GAS7: variants seen among roughly 807,000 people sequenced by gnomAD.
GAS7 encodes growth arrest specific 7.
Under a neutral mutation model 71.1 loss-of-function variants are expected in GAS7, and 28 were observed. That is an observed-to-expected ratio of 0.39 (90% CI 0.29 to 0.54). GAS7 has a LOEUF of 0.54. GAS7 is among the 20% of genes least tolerant of loss of function. The probability of loss-of-function intolerance (pLI) is 0.62; values close to 1 mark genes in which losing one functional copy is unlikely to be tolerated. For missense variants in GAS7, 436 were observed against 627.8 expected, an observed-to-expected ratio of 0.69 and a Z score of 3.27; for synonymous variants, 258 against 245.8, an observed-to-expected ratio of 1.05 and a Z score of -0.46.
chr17:10,158,651 G>A (rs2074225178), intron 1 of GAS7, among the ~76,000 whole-genome samples: 1 of 152,090 alleles, frequency 6.6e-6, no homozygotes, highest in South Asian at 2.1e-4. Flanking sequence ...AATAAAACAA[G>A]TATAAGAAAA....
At chr17:10,019,933 G>T in intron 1 of GAS7, 36 bp from the exon 2 acceptor site, 3 of 1,602,844 alleles carry the variant, frequency 1.9e-6, no homozygotes, top group Non-Finnish European at 2.6e-6. Context: ...CACCCATTTG[G>T]CATTTTTGCA....
intron 1 of GAS7, among the ~76,000 whole-genome samples, chr17:10,092,630 AC>A (rs2073595779): frequency 6.6e-6 from 1 of 152,144 alleles, no homozygotes; most frequent in African/African-American, 2.4e-5. Context: ...ACAATCACAA[AC>A]CTCTTGGCTT....
rs59048492 is a variant in GAS7, at chr17:9,951,760, CAAAAA to C, written c.526-4782_526-4778del. ...GGGCAACAAGAGCAAAACTCTGTCT[CAAAAA>C]AAAAAAAAAAAAAAAAAAAAACAAG... On this transcript the variant is annotated intron_variant, in intron 5 of 13. Transcript: ENST00000432992. Among the ~76,000 whole-genome samples the C allele has an allele frequency of 3.2e-3, 223 of 69,018 alleles. 1 individual carries two copies. The highest frequency in any genetic ancestry group is 0.012 in the Middle Eastern group (1 of 82). The allele number at this position is 69,018 out of a possible 152,430, so 45.3% of individuals were successfully genotyped here.
chr17:9,994,895 G>C (rs1278895452), intron 2 of GAS7, among the ~76,000 whole-genome samples: 20 of 152,228 alleles, frequency 1.3e-4, no homozygotes, highest in Non-Finnish European at 2.9e-4. Context: ...CAAGTCCTGA[G>C]TTAGAGGGCA....
chr17:9,955,301 AG>A (rs2069185864), intron 5 of GAS7, among the ~76,000 whole-genome samples: 1 of 152,218 alleles, frequency 6.6e-6, no homozygotes, highest in Non-Finnish European at 1.5e-5. Flanking sequence ...GGTTAATACC[AG>A]GGTCCAGCTA....
intron 4 of GAS7, among the ~76,000 whole-genome samples, chr17:9,966,583 T>A (rs1206556105): frequency 1.3e-5 from 2 of 152,206 alleles, no homozygotes; most frequent in Admixed American, 1.3e-4. Flanking sequence ...GGTCTATACC[T>A]GGGGACCCTT....
At chr17:9,995,513 G>A (rs1454688990) in intron 2 of GAS7, among the ~76,000 whole-genome samples, 21 of 132,070 alleles carry the variant, frequency 1.6e-4, no homozygotes, top group African/African-American at 5.0e-4. Flanking sequence ...GTGATTTACA[G>A]AAAAAACAAT....
At chr17:9,949,015 C>T (rs2068898124) in intron 5 of GAS7, among the ~76,000 whole-genome samples, 1 of 152,202 alleles carries the variant, frequency 6.6e-6, no homozygotes, top group Admixed American at 6.5e-5. Context: ...AACTCCAATG[C>T]TAGGCGGGGT....
At chr17:10,019,197 A>C (rs891406333) in intron 2 of GAS7, among the ~76,000 whole-genome samples, 2 of 152,174 alleles carry the variant, frequency 1.3e-5, no homozygotes, top group Non-Finnish European at 2.9e-5. Context: ...ACTCAGATGC[A>C]CATGGAACCT....
At chr17:9,920,182 A>AGTGTGTGT (rs59320661) in intron 11 of GAS7, among the ~76,000 whole-genome samples, 19,925 of 140,976 alleles carry the variant, frequency 0.14, 1,536 homozygotes, top group African/African-American at 0.22. Flanking sequence ...AGATCATGTA[A>AGTGTGTGT]GTGTGTGTGT....
intron 2 of GAS7, among the ~76,000 whole-genome samples, chr17:9,998,991 T>C (rs547273534): frequency 6.9e-4 from 105 of 152,302 alleles, no homozygotes; most frequent in African/African-American, 2.4e-3. Context: ...TCGGTGACCA[T>C]GTTGAACTGT....
At chr17:9,965,937 C>A (rs939448986) in intron 4 of GAS7, among the ~76,000 whole-genome samples, 3 of 151,874 alleles carry the variant, frequency 2.0e-5, no homozygotes, top group Admixed American at 6.6e-5. Context: ...GGTGGGGACA[C>A]GTTACTGGTG....
At chr17:9,951,087 C>T (rs1324193741) in intron 5 of GAS7, among the ~76,000 whole-genome samples, 6 of 152,190 alleles carry the variant, frequency 3.9e-5, no homozygotes, top group African/African-American at 1.2e-4. Context: ...TCCTTCCTTC[C>T]TGTGCCTCCA....
chr17:10,136,760 C>T (rs561222081), intron 1 of GAS7, among the ~76,000 whole-genome samples: 11 of 152,136 alleles, frequency 7.2e-5, no homozygotes, highest in Non-Finnish European at 1.0e-4. Flanking sequence ...CTTCCCTTCA[C>T]GCTTAGAAAA....
At chr17:9,995,567 C>T (rs1036387594) in intron 2 of GAS7, among the ~76,000 whole-genome samples, 1 of 151,376 alleles carries the variant, frequency 6.6e-6, no homozygotes, top group Non-Finnish European at 1.5e-5. Flanking sequence ...GATACTCATT[C>T]TCATTCAAAA....
chr17:10,046,847 A>AGG lies in GAS7; in HGVS notation c.184-26951_184-26950insCC, dbSNP rs1567567289. ...AAGGAAGGAAGGAAGGAAGGAAGGA[A>AGG]AGAAAAGAAAAGAAAAAAGAAAAGA... is the stretch of plus-strand genomic sequence containing the variant. On this transcript the variant is annotated intron_variant, in intron 1 of 13. Coordinates refer to ENST00000432992, the MANE Select transcript of GAS7 (RefSeq NM_201433.2). Among the ~76,000 whole-genome samples, 248 of 137,452 alleles carry AGG rather than the reference A, an allele frequency of 1.8e-3. 22 individuals are homozygous for AGG. The highest frequency in any genetic ancestry group is 6.8e-3 in the East Asian group (33 of 4,830). The allele number at this position is 137,452 out of a possible 152,430, so 90.2% of individuals were successfully genotyped here.
chr17:9,934,333 G>T, intron 8 of GAS7, 89 bp from the exon 9 acceptor site: 2 of 836,406 alleles, frequency 2.4e-6, no homozygotes, highest in Non-Finnish European at 2.0e-6. Flanking sequence ...TCTCGGGGAG[G>T]TATATGACAG....
intron 1 of GAS7, among the ~76,000 whole-genome samples, chr17:10,050,169 T>C (rs1395053539): frequency 6.6e-6 from 1 of 152,198 alleles, no homozygotes; most frequent in Non-Finnish European, 1.5e-5. Context: ...TTTAAACAAG[T>C]CCAATAAAAC....
rs2067695860 is a variant in GAS7, at chr17:9,919,071, C to T, written c.1218+555G>A. Reference sequence around the variant, plus strand: ...TCTGGCCCAAGTACCAGCCACACTTCACTGTCCACTCAGGCAGGTGCTGAC... The same window carrying T: ...TCTGGCCCAAGTACCAGCCACACTTTACTGTCCACTCAGGCAGGTGCTGAC... On this transcript the variant is annotated intron_variant, in intron 12 of 13. Transcript: ENST00000432992. This position sits in a 1 kb window ranked among gnomAD's most constrained non-coding sequence, Gnocchi z 5.0. 6.6e-6 allele frequency among the ~76,000 whole-genome samples: 1 copy of T among 152,186 alleles called. No individual in the cohort carries two copies. Among genetic ancestry groups the T allele is most frequent in the African/African-American group, 2.4e-5 (1 of 41,452 alleles).
Sources: gnomAD v4.1 joint callset for allele counts (sites outside exome capture counted in the v4.1 genomes callset) on GRCh38, gnomAD v4.1.1 for gene constraint, Gnocchi (gnomAD v3.1) non-coding constraint, MANE v1.5 for transcripts, NCBI Gene and HGNC (gene_info 2026-07-23, HGNC 2026-07-21) for gene names.